Variants in PDE1A observed in about 807,000 individuals in gnomAD.
The protein encoded by PDE1A is dual specificity calcium/calmodulin-dependent 3',5'-cyclic nucleotide phosphodiesterase 1A.
PDE1A carries 35 observed loss-of-function variants against 61.7 expected under a neutral mutation model. The ratio of observed to expected loss-of-function variants is 0.57; its 90% CI spans 0.43 to 0.75. PDE1A has a LOEUF of 0.75. Ranked by LOEUF, PDE1A falls within the 30% of genes least tolerant of loss-of-function variation. PDE1A has a pLI of 0.00. For missense variants in PDE1A, 597 were observed against 630.6 expected, an observed-to-expected ratio of 0.95 and a Z score of 0.57; for synonymous variants, 232 against 213.2, an observed-to-expected ratio of 1.09 and a Z score of -0.77.
chr2:182,392,243 C>CAAAG (rs1290528800), intron 1 of PDE1A, among the ~76,000 whole-genome samples: 5 of 152,144 alleles, frequency 3.3e-5, no homozygotes, highest in African/African-American at 1.2e-4. Context: ...AAAGGAGGAA[C>CAAAG]AAAGGCACCT....
the PDE1A span, among the ~76,000 whole-genome samples, chr2:182,678,249 C>T: frequency 2.0e-5 from 3 of 152,112 alleles, no homozygotes; most frequent in Admixed American, 6.6e-5. Context: ...ATGGCAAAAC[C>T]CTGTCTCTAC....
intron 13 of PDE1A, among the ~76,000 whole-genome samples, chr2:182,162,174 C>T (rs1456339743): frequency 6.6e-6 from 1 of 152,164 alleles, no homozygotes; most frequent in Admixed American, 6.5e-5. Context: ...CATTCCAGAA[C>T]TTATAGTGGG....
chr2:182,157,016 TTTA>T (rs1559121602), intron 13 of PDE1A, among the ~76,000 whole-genome samples: 2 of 82,944 alleles, frequency 2.4e-5, no homozygotes, highest in Non-Finnish European at 4.7e-5. Flanking sequence ...TTTATTTTAT[TTTA>T]TTTTTTTTTT....
chr2:182,572,762 C>T, the PDE1A span, among the ~76,000 whole-genome samples: 3 of 148,366 alleles, frequency 2.0e-5, no homozygotes, highest in East Asian at 2.0e-4. Context: ...CCCAGCTACT[C>T]GGGAGGTGAG....
At chr2:182,217,906 A>G (rs911748586) in intron 7 of PDE1A, among the ~76,000 whole-genome samples, 7 of 152,056 alleles carry the variant, frequency 4.6e-5, no homozygotes, top group African/African-American at 1.7e-4. Flanking sequence ...CGACCCAGCC[A>G]TCCCATTACT....
At chr2:182,162,861 T>C (rs1397572276) in intron 13 of PDE1A, among the ~76,000 whole-genome samples, 1 of 152,116 alleles carries the variant, frequency 6.6e-6, no homozygotes, top group African/African-American at 2.4e-5. Flanking sequence ...AAATGCATTA[T>C]TGAAATAGAC....
At chr2:182,205,577 G>A (rs1687031435) in intron 8 of PDE1A, among the ~76,000 whole-genome samples, 1 of 151,974 alleles carries the variant, frequency 6.6e-6, no homozygotes, top group Non-Finnish European at 1.5e-5. Flanking sequence ...AAAAATATAT[G>A]AAAGAATGAA....
the PDE1A span, among the ~76,000 whole-genome samples, chr2:182,677,819 T>G: frequency 5.3e-5 from 8 of 152,240 alleles, no homozygotes; most frequent in African/African-American, 1.9e-4. Context: ...GCTAGCCATA[T>G]GCAGAAGATT....
the PDE1A span, among the ~76,000 whole-genome samples, chr2:182,663,691 A>G: frequency 1.3e-5 from 2 of 152,112 alleles, no homozygotes; most frequent in African/African-American, 2.4e-5. Flanking sequence ...AAGTGGGAGG[A>G]GGGAGAGAAT....
chr2:182,515,232 C>A (rs114349952), intron 2 of PDE1A, among the ~76,000 whole-genome samples: 3 of 152,198 alleles, frequency 2.0e-5, no homozygotes, highest in Admixed American at 1.3e-4. Flanking sequence ...CTTCTTACTG[C>A]ATATTAACTT....
At chr2:182,584,497 G>T in the PDE1A span, among the ~76,000 whole-genome samples, 2 of 152,330 alleles carry the variant, frequency 1.3e-5, no homozygotes, top group East Asian at 3.9e-4. Flanking sequence ...TTAAAAAGAA[G>T]ATAATAATAA....
At position 182,508,779 on chromosome 2, in the gene PDE1A, T is replaced by TTTTTA. The variant is rs543731232; in HGVS notation, c.101+13492_101+13496dup. ...TTTATTTTTTAAAGCTTGTTGATTA[T>TTTTTA]TTTTATTTTATTTTATTTTATTTTA... On this transcript the variant is annotated intron_variant, in intron 2 of 14. Coordinates refer to the PDE1A transcript ENST00000410103. Among the ~76,000 whole-genome samples the TTTTTA allele has an allele frequency of 5.9e-4, 88 of 149,174 alleles. No individual in the cohort carries two copies. The South Asian group carries it at 0.014, about 23-fold the overall frequency.
the PDE1A span, among the ~76,000 whole-genome samples, chr2:182,622,288 A>G: frequency 6.6e-6 from 1 of 152,218 alleles, no homozygotes; most frequent in South Asian, 2.1e-4. Context: ...GGAACCATCT[A>G]TAGAAATACT....
intron 2 of PDE1A, among the ~76,000 whole-genome samples, chr2:182,256,731 C>A (rs1400834822): frequency 2.0e-5 from 3 of 151,668 alleles, no homozygotes; most frequent in Non-Finnish European, 4.4e-5. Flanking sequence ...ATTTTTTTTT[C>A]TTGTCATGCT....
the PDE1A span, among the ~76,000 whole-genome samples, chr2:182,698,522 T>C: frequency 1.4e-4 from 22 of 152,210 alleles, no homozygotes; most frequent in Non-Finnish European, 3.1e-4. Flanking sequence ...TATAGCATTA[T>C]TAAACATGCT....
chr2:182,386,865 C>T (rs1030542687), intron 1 of PDE1A, among the ~76,000 whole-genome samples: 3 of 152,090 alleles, frequency 2.0e-5, no homozygotes, highest in East Asian at 1.9e-4. Context: ...CCCGGCCGCC[C>T]CTTCTGGGAG....
chr2:182,292,980 T>TTTAAAA (rs1431411129), intron 1 of PDE1A, among the ~76,000 whole-genome samples: 1 of 152,118 alleles, frequency 6.6e-6, no homozygotes, highest in Non-Finnish European at 1.5e-5. Flanking sequence ...TCCTTTAATT[T>TTTAAAA]TTAAAATTGA....
chr2:182,401,631 T>C (rs1559422755), intron 1 of PDE1A, among the ~76,000 whole-genome samples: 1 of 152,204 alleles, frequency 6.6e-6, no homozygotes, highest in Non-Finnish European at 1.5e-5. Context: ...AAGGATGCCC[T>C]TTCTCACCAC....
intron 2 of PDE1A, among the ~76,000 whole-genome samples, chr2:182,487,659 G>A (rs1247495664): frequency 4.6e-5 from 7 of 152,196 alleles, no homozygotes; most frequent in Admixed American, 2.0e-4. Flanking sequence ...TGGTTGGGGT[G>A]TGGGGATGGG....
Sources: gnomAD v4.1 joint callset for allele counts (sites outside exome capture counted in the v4.1 genomes callset) on GRCh38, gnomAD v4.1.1 for gene constraint, MANE v1.5 for transcripts, NCBI Gene and HGNC (gene_info 2026-07-23, HGNC 2026-07-21) for gene names.